The following USP6NL variants were observed in gnomAD, a reference collection of about 807,000 sequenced individuals.
USP6NL encodes the protein USP6 N-terminal like.
In USP6NL, 26 loss-of-function variants were observed where a neutral mutation model predicts 61.9. The observed-to-expected ratio is 0.42, with a 90% CI of 0.31 to 0.58. USP6NL has a LOEUF of 0.58. Among genes scored for constraint, USP6NL ranks in the 20% least tolerant of loss-of-function variants. The pLI is 0.16. For missense variants in USP6NL, 1,114 were observed against 1,034.3 expected, an observed-to-expected ratio of 1.08 and a Z score of -1.06; for synonymous variants, 432 against 390.1, an observed-to-expected ratio of 1.11 and a Z score of -1.27.
At chr10:11,514,817 C>T (rs1834885964) in intron 5 of USP6NL, among the ~76,000 whole-genome samples, 1 of 152,150 alleles carries the variant, frequency 6.6e-6, no homozygotes, top group African/African-American at 2.4e-5. Flanking sequence ...AATTCTACTT[C>T]TCTCAGAATG....
rs1833052099 is a variant in USP6NL, at chr10:11,478,281, A to T, written c.1078+3489T>A. On this transcript the variant is annotated intron_variant, in intron 14 of 14. Transcript: ENST00000609104. This position sits in a 1 kb window ranked among gnomAD's most constrained non-coding sequence, Gnocchi z 6.8. ...CGTCCACACACCTGAGGCTGTGGAG[A>T]AATGGCAGTTCTGTAGCACACCTGT... 6.6e-6 allele frequency among the ~76,000 whole-genome samples: 1 copy of T among 152,134 alleles called. No individual in the cohort carries two copies. Among genetic ancestry groups the T allele is most frequent in the Admixed American group, 6.6e-5 (1 of 15,264 alleles).
chr10:11,576,092 A>C (rs1339001217), intron 2 of USP6NL, among the ~76,000 whole-genome samples: 2 of 151,884 alleles, frequency 1.3e-5, no homozygotes, highest in African/African-American at 4.8e-5. Context: ...ACTTCAGGAA[A>C]AAAAAAAAAA....
intron 10 of USP6NL, among the ~76,000 whole-genome samples, chr10:11,486,969 T>A (rs1241860006): frequency 6.6e-6 from 1 of 152,152 alleles, no homozygotes; most frequent in East Asian, 1.9e-4. Context: ...TTCTCAGTTT[T>A]CTAGGGTGTG....
intron 7 of USP6NL, among the ~76,000 whole-genome samples, chr10:11,497,424 A>G (rs1193189803): frequency 2.6e-5 from 4 of 151,570 alleles, no homozygotes; most frequent in East Asian, 3.9e-4. Context: ...AAAAAAAAAA[A>G]AAAGAAAGAA....
rs573178877 is a variant in USP6NL, at chr10:11,561,487, T to C, written c.5-33920A>G. Among the ~76,000 whole-genome samples, 8 of 152,332 alleles carry C rather than the reference T, an allele frequency of 5.3e-5. No individual in the cohort carries two copies. The highest frequency in any genetic ancestry group is 1.4e-4 in the African/African-American group (6 of 41,584). ...ACACAACAGAACCATACTAAGCACATTGCTTTGCAATTATCTTTCTACTCA... is the reference window on the plus strand; with the variant it reads ...ACACAACAGAACCATACTAAGCACACTGCTTTGCAATTATCTTTCTACTCA... On this transcript the variant is annotated intron_variant, in intron 2 of 14. Transcript: ENST00000609104. The surrounding 1 kb of genome is among the most constrained non-coding windows in gnomAD (Gnocchi z 4.1).
rs12250527 is a variant in USP6NL at position 11,585,489 on chromosome 10, C to T, written c.4+12142G>A. ...CATCCTGGCTAACACAGTGAAACCC[C>T]GTGTCTACTAAAAATACAAAAAATT... On this transcript the variant is annotated intron_variant, in intron 2 of 14. Coordinates refer to ENST00000609104, the MANE Select transcript of USP6NL (RefSeq NM_014688.5). This position sits in a 1 kb window ranked among gnomAD's most constrained non-coding sequence, Gnocchi z 4.5. Among the ~76,000 whole-genome samples, 2,443 of 152,034 alleles carry T rather than the reference C, an allele frequency of 0.016. 63 individuals carry two copies. The highest frequency in any genetic ancestry group is 0.055 in the African/African-American group (2,259 of 41,400).
rs1834824523 is a variant in USP6NL, at chr10:11,513,699, A to G, written c.196-4024T>C. Among the ~76,000 whole-genome samples the G allele has an allele frequency of 6.6e-6, 1 of 152,202 alleles. No individual in the cohort carries two copies. Among genetic ancestry groups the G allele is most frequent in the Admixed American group, 6.5e-5 (1 of 15,270 alleles). ...TAAGAATGAAAACACATTATCCTACATGATTACAGTACCATTATATCCAAG... is the reference window on the plus strand; with the variant it reads ...TAAGAATGAAAACACATTATCCTACGTGATTACAGTACCATTATATCCAAG... On this transcript the variant is annotated intron_variant, in intron 5 of 14. Coordinates refer to ENST00000609104, the MANE Select transcript of USP6NL (RefSeq NM_014688.5). This position sits in a 1 kb window ranked among gnomAD's most constrained non-coding sequence, Gnocchi z 4.7.
At chr10:11,538,914 A>G (rs1324427474) in intron 2 of USP6NL, among the ~76,000 whole-genome samples, 2 of 151,688 alleles carry the variant, frequency 1.3e-5, no homozygotes, top group African/African-American at 4.8e-5. Flanking sequence ...TCTGCTCTTC[A>G]TCTCTCCTAC....
Position 11,555,449 on chromosome 10 carries a change from T to TAG in USP6NL, c.5-27883_5-27882insCT, listed in dbSNP as rs1167547855. 7.2e-3 allele frequency among the ~76,000 whole-genome samples: 526 copies of TAG among 73,060 alleles called. 3 individuals are homozygous for TAG. The highest frequency in any genetic ancestry group is 0.01 in the African/African-American group (160 of 15,574). The allele number at this position is 73,060 out of a possible 152,430, so 47.9% of individuals were successfully genotyped here. A position where few individuals can be genotyped will look rare whatever the true frequency, so the allele number is the denominator to read the frequency against. On this transcript the variant is annotated intron_variant, in intron 2 of 14. Transcript: ENST00000609104. ...AAAAAAAAAAATATATATATATATA[T>TAG]ATAGAGAGAGAGAGAGAGAGAAAGA...
Position 11,532,195 on chromosome 10 carries a change from G to T in USP6NL, c.5-4628C>A. The T allele has an allele frequency of 6.2e-7, 1 of 1,601,106 alleles. No individual in the cohort carries two copies. The highest frequency in any genetic ancestry group is 8.5e-7 in the Non-Finnish European group (1 of 1,172,448). ...TACTTTACCCTTTGTGAGATAATCA[G>T]TCTGGCCTTGGGAATTAACAACAGC... On this transcript the variant is annotated intron_variant, in intron 2 of 14. Coordinates refer to ENST00000609104, the MANE Select transcript of USP6NL (RefSeq NM_014688.5). This position sits in a 1 kb window ranked among gnomAD's most constrained non-coding sequence, Gnocchi z 4.1.
intron 10 of USP6NL, among the ~76,000 whole-genome samples, chr10:11,486,357 T>C (rs1174291991): frequency 1.3e-5 from 2 of 152,154 alleles, no homozygotes; most frequent in African/African-American, 4.8e-5. Context: ...AGTATAAAGT[T>C]CCCAAAGTTT....
rs556025785 is a variant in USP6NL, at chr10:11,549,145, A to G, written c.5-21578T>C. Among the ~76,000 whole-genome samples, 11 of 152,272 alleles carry G rather than the reference A, an allele frequency of 7.2e-5. No homozygotes were observed. The East Asian group carries it at 2.1e-3, about 29-fold the overall frequency. On this transcript the variant is annotated intron_variant, in intron 2 of 14. Coordinates refer to ENST00000609104, the MANE Select transcript of USP6NL (RefSeq NM_014688.5). The stretch of plus-strand genomic sequence containing the variant: ...CTAAGACAACAGCTCATCTAATCCT[A>G]AAGACCTAAATTTAAATGGTTTATT...
chr10:11,559,163 C>T (rs890948001), intron 2 of USP6NL, among the ~76,000 whole-genome samples: 1 of 152,048 alleles, frequency 6.6e-6, no homozygotes, highest in Non-Finnish European at 1.5e-5. Flanking sequence ...CCAGGTACTA[C>T]ATATGCAGTA....
chr10:11,509,570 A>G (rs1476257741), intron 6 of USP6NL, 25 bp downstream of exon 6: 2 of 1,506,252 alleles, frequency 1.3e-6, no homozygotes, highest in East Asian at 2.5e-5. Flanking sequence ...ATAGTTTCAT[A>G]TGGAAAAACA....
At position 11,540,260 on chromosome 10, in the gene USP6NL, T is replaced by C. The variant is rs1226252577; in HGVS notation, c.5-12693A>G. On this transcript the variant is annotated intron_variant, in intron 2 of 14. Transcript: ENST00000609104. The surrounding 1 kb of genome is among the most constrained non-coding windows in gnomAD (Gnocchi z 5.0). ...ATCCAAGAACAATTTATATGAAATA[T>C]TCTTTGTGGTCATAATCAACTGGAC... 6.6e-6 allele frequency among the ~76,000 whole-genome samples: 1 copy of C among 152,244 alleles called. No homozygotes were observed. The highest frequency in any genetic ancestry group is 1.9e-4 in the East Asian group (1 of 5,202).
chr10:11,509,914 A>G (rs972615262), intron 5 of USP6NL, among the ~76,000 whole-genome samples: 2 of 152,240 alleles, frequency 1.3e-5, no homozygotes, highest in African/African-American at 4.8e-5. Flanking sequence ...AAATTTTCCA[A>G]GACTTGAAAA....
chr10:11,594,196 C>T (rs1239059679), intron 2 of USP6NL, among the ~76,000 whole-genome samples: 1 of 152,102 alleles, frequency 6.6e-6, no homozygotes, highest in Non-Finnish European at 1.5e-5. Flanking sequence ...AGACAGATCG[C>T]TCTAATACTC....
At chr10:11,514,145 C>T (rs568145480) in intron 5 of USP6NL, among the ~76,000 whole-genome samples, 4 of 152,268 alleles carry the variant, frequency 2.6e-5, no homozygotes, top group African/African-American at 4.8e-5. Context: ...GAATAATCCA[C>T]GTGATATACT....
chr10:11,560,585 TTATC>T (rs980849610), intron 2 of USP6NL, among the ~76,000 whole-genome samples: 1 of 151,566 alleles, frequency 6.6e-6, no homozygotes, highest in African/African-American at 2.4e-5. Flanking sequence ...CACTTTTGGG[TTATC>T]TGTTTTTAAA....
Sources: allele counts gnomAD v4.1 joint callset (sites outside exome capture counted in the v4.1 genomes callset), GRCh38; gene constraint gnomAD v4.1.1; non-coding constraint Gnocchi (gnomAD v3.1); transcripts MANE v1.5; gene names NCBI Gene and HGNC (gene_info 2026-07-23, HGNC 2026-07-21).